The following MACROD2 variants were observed in gnomAD, a reference collection of about 807,000 sequenced individuals.
MACROD2 encodes the protein ADP-ribose glycohydrolase MACROD2.
Under a neutral mutation model 70.4 loss-of-function variants are expected in MACROD2, and 36 were observed. The ratio of observed to expected loss-of-function variants is 0.51; its 90% CI spans 0.39 to 0.68. The LOEUF is 0.68. Among genes scored for constraint, MACROD2 ranks in the 30% least tolerant of loss-of-function variants. The pLI is 0.00. For synonymous variants in MACROD2, 172 were observed against 178.8 expected, an observed-to-expected ratio of 0.96 and a Z score of 0.30; for missense variants, 496 against 538.4, an observed-to-expected ratio of 0.92 and a Z score of 0.78.
chr20:15,054,946 C>CTTTTTTTTT (rs10673344), intron 5 of MACROD2, among the ~76,000 whole-genome samples: 3 of 120,754 alleles, frequency 2.5e-5, no homozygotes, highest in African/African-American at 3.7e-5. Context: ...CCACATCTAG[C>CTTTTTTTTT]TTTTTTTTTT....
At chr20:14,535,624 G>A (rs1285576202) in intron 4 of MACROD2, among the ~76,000 whole-genome samples, 2 of 151,876 alleles carry the variant, frequency 1.3e-5, no homozygotes, top group African/African-American at 4.8e-5. Flanking sequence ...AACTGTTAAA[G>A]TCTTGAGTAT....
intron 4 of MACROD2, among the ~76,000 whole-genome samples, chr20:14,632,168 A>T (rs1984548581): frequency 1.3e-5 from 2 of 152,108 alleles, no homozygotes; most frequent in African/African-American, 4.8e-5. Flanking sequence ...AGTGTGAATG[A>T]TGCTTCTCTT....
At chr20:14,042,918 G>GTTTTT (rs573192408) in intron 2 of MACROD2, among the ~76,000 whole-genome samples, 1 of 141,258 alleles carries the variant, frequency 7.1e-6, no homozygotes. Flanking sequence ...CAGGTGGTGG[G>GTTTTT]TTTTTTTTTT....
chr20:15,038,650 C>G lies in MACROD2; in HGVS notation c.419-191290C>G, dbSNP rs1167849376. 2.0e-5 allele frequency among the ~76,000 whole-genome samples: 3 copies of G among 152,264 alleles called. No individual in the cohort carries two copies. In the East Asian group the frequency reaches 5.8e-4, roughly 29 times the overall value. On this transcript the variant is annotated intron_variant, in intron 5 of 17. Transcript: ENST00000684519. ...CCCAGCAGTTTCAGTAGTTCCACAC[C>G]TTCCGCTTGTTATTAAGGGGTGACG...
chr20:14,195,305 G>A (rs2081421094), intron 3 of MACROD2, among the ~76,000 whole-genome samples: 1 of 152,038 alleles, frequency 6.6e-6, no homozygotes, highest in Non-Finnish European at 1.5e-5. Context: ...TTGTTGCCTT[G>A]TTTTCTCTTT....
At chr20:14,800,683 C>T (rs186855730) in intron 5 of MACROD2, among the ~76,000 whole-genome samples, 4 of 152,064 alleles carry the variant, frequency 2.6e-5, no homozygotes, top group Admixed American at 6.6e-5. Context: ...ATAAAAATAT[C>T]GCTGAGTACT....
chr20:14,130,790 A>AT (rs2054707051), intron 3 of MACROD2, among the ~76,000 whole-genome samples: 1 of 152,224 alleles, frequency 6.6e-6, no homozygotes, highest in African/African-American at 2.4e-5. Flanking sequence ...TAAATTTGTC[A>AT]TTTTTTGGAG....
intron 8 of MACROD2, among the ~76,000 whole-genome samples, chr20:15,555,192 G>C (rs1324850536): frequency 6.6e-6 from 1 of 152,114 alleles, no homozygotes; most frequent in East Asian, 1.9e-4. Context: ...GCTTACACAA[G>C]AGCCAACTGC....
rs116696698 is a variant in MACROD2 at position 14,086,151 on chromosome 20, A to G, written c.271+423A>G. ...CTATGTAAGACAAAAGTGAAAATAT[A>G]AAGAAATTATTTCAGTTATTTCAAA... On this transcript the variant is annotated intron_variant, in intron 3 of 17. Transcript: ENST00000684519. The G allele has an allele frequency of 5.7e-3, 2,041 of 355,318 alleles. 33 individuals carry two copies. Among genetic ancestry groups the G allele is most frequent in the African/African-American group, 0.038 (1,798 of 46,996 alleles). 22.0% of individuals were successfully genotyped at this position (355,318 alleles called of 1,614,324 possible). A position where few individuals can be genotyped will look rare whatever the true frequency, so the allele number is the denominator to read the frequency against.
intron 8 of MACROD2, among the ~76,000 whole-genome samples, chr20:15,812,955 T>C: frequency 6.6e-6 from 1 of 152,198 alleles, no homozygotes; most frequent in East Asian, 1.9e-4. Context: ...TGATGTTTGA[T>C]ATGCTCACTT....
chr20:15,076,999 T>C (rs1054726525), intron 5 of MACROD2, among the ~76,000 whole-genome samples: 2 of 152,162 alleles, frequency 1.3e-5, no homozygotes, highest in African/African-American at 4.8e-5. Flanking sequence ...ATTTTAACAA[T>C]GTTTACAGTG....
chr20:14,928,556 G>T (rs1307209926), intron 5 of MACROD2, among the ~76,000 whole-genome samples: 4 of 152,138 alleles, frequency 2.6e-5, no homozygotes, highest in Admixed American at 6.5e-5. Flanking sequence ...TACATAGCTG[G>T]TTAATATCAA....
chr20:14,727,619 A>G (rs890626911), intron 5 of MACROD2, among the ~76,000 whole-genome samples: 1 of 152,172 alleles, frequency 6.6e-6, no homozygotes, highest in Non-Finnish European at 1.5e-5. Context: ...CTGTCTCTTC[A>G]GTCTCATTTG....
chr20:15,173,037 A>G (rs767338595), intron 5 of MACROD2, among the ~76,000 whole-genome samples: 2 of 151,884 alleles, frequency 1.3e-5, no homozygotes, highest in African/African-American at 2.4e-5. Flanking sequence ...ACATATATAA[A>G]CTGTGTGTGT....
chr20:14,818,825 G>GT (rs754477468), intron 5 of MACROD2, among the ~76,000 whole-genome samples: 3,556 of 78,356 alleles, frequency 0.045, 571 homozygotes, highest in Non-Finnish European at 0.055. Context: ...TCTTCCTTAG[G>GT]TTTTTTTTTT....
chr20:14,479,309 G>T (rs563325861), intron 3 of MACROD2, among the ~76,000 whole-genome samples: 1 of 151,952 alleles, frequency 6.6e-6, no homozygotes, highest in African/African-American at 2.4e-5. Flanking sequence ...CTGATGCCCC[G>T]TGCTGGTGCT....
intron 6 of MACROD2, among the ~76,000 whole-genome samples, chr20:15,430,563 C>T (rs1246428893): frequency 6.6e-6 from 1 of 151,876 alleles, no homozygotes; most frequent in Non-Finnish European, 1.5e-5. Context: ...AGCTAGAAAG[C>T]CTAATTTAGA....
intron 3 of MACROD2, among the ~76,000 whole-genome samples, chr20:14,265,798 A>G (rs1225639625): frequency 8.8e-5 from 12 of 135,674 alleles, no homozygotes; most frequent in African/African-American, 3.3e-4. Flanking sequence ...TTTTTTTGAG[A>G]CAGAGTCTCG....
At chr20:15,382,924 C>T (rs2045663201) in intron 6 of MACROD2, among the ~76,000 whole-genome samples, 1 of 152,168 alleles carries the variant, frequency 6.6e-6, no homozygotes, top group African/African-American at 2.4e-5. Context: ...AACATAAATT[C>T]AGGTATATAC....
Sources: allele counts gnomAD v4.1 joint callset (sites outside exome capture counted in the v4.1 genomes callset), GRCh38; gene constraint gnomAD v4.1.1; transcripts MANE v1.5; gene names NCBI Gene and HGNC (gene_info 2026-07-23, HGNC 2026-07-21).